The following MAPK10 variants were observed in gnomAD, a reference collection of about 807,000 sequenced individuals.
The protein encoded by MAPK10 is JNK3 alpha protein kinase.
MAPK10 carries 25 observed loss-of-function variants against 59.3 expected under a neutral mutation model. That is an observed-to-expected ratio of 0.42 (90% CI 0.31 to 0.59). The LOEUF is 0.59. Among genes scored for constraint, MAPK10 ranks in the 20% least tolerant of loss-of-function variants. The pLI is 0.15. For missense variants in MAPK10, 351 were observed against 568.9 expected, an observed-to-expected ratio of 0.62 and a Z score of 3.90; for synonymous variants, 190 against 200.5, an observed-to-expected ratio of 0.95 and a Z score of 0.44.
chr4:86,575,391 T>C (rs766968485), intron 1 of MAPK10, among the ~76,000 whole-genome samples: 2 of 152,262 alleles, frequency 1.3e-5, no homozygotes, highest in Non-Finnish European at 2.9e-5. Flanking sequence ...ATCCATCCTA[T>C]TGGTTCTGTT....
At chr4:86,368,448 T>C (rs1042002496) in intron 1 of MAPK10, among the ~76,000 whole-genome samples, 5 of 152,242 alleles carry the variant, frequency 3.3e-5, no homozygotes, top group Admixed American at 3.3e-4. Flanking sequence ...TATAGCATCA[T>C]GTTGCAATCA....
At chr4:86,581,242 A>G (rs1762239224) in intron 1 of MAPK10, among the ~76,000 whole-genome samples, 1 of 151,976 alleles carries the variant, frequency 6.6e-6, no homozygotes, top group South Asian at 2.1e-4. Context: ...ATATGGACAT[A>G]CCCTTGTCTG....
At chr4:86,049,316 T>C (rs1012618109) in intron 11 of MAPK10, among the ~76,000 whole-genome samples, 5 of 152,118 alleles carry the variant, frequency 3.3e-5, no homozygotes, top group African/African-American at 1.2e-4. Context: ...AAGAACTATA[T>C]TCTAATAATA....
intron 1 of MAPK10, among the ~76,000 whole-genome samples, chr4:86,366,151 T>C (rs950771526): frequency 6.6e-6 from 1 of 152,096 alleles, no homozygotes; most frequent in Non-Finnish European, 1.5e-5. Context: ...AAAGAGTATA[T>C]ACTATATATA....
chr4:86,578,212 C>A (rs1159475860), intron 1 of MAPK10, among the ~76,000 whole-genome samples: 1 of 152,148 alleles, frequency 6.6e-6, no homozygotes, highest in Non-Finnish European at 1.5e-5. Flanking sequence ...CTGCTGGCAT[C>A]TAGTGGGTAG....
intron 11 of MAPK10, 39 bp downstream of exon 11, chr4:86,064,227 T>A (rs2046286339): frequency 1.9e-6 from 3 of 1,612,200 alleles, no homozygotes; most frequent in Non-Finnish European, 2.5e-6. Context: ...GAGCTATGAT[T>A]TGTTTGTGGA....
intron 1 of MAPK10, among the ~76,000 whole-genome samples, chr4:86,432,243 G>A (rs2149041659): frequency 6.6e-6 from 1 of 152,140 alleles, no homozygotes; most frequent in Non-Finnish European, 1.5e-5. Context: ...TCAGTTGGGG[G>A]CATAAGAATT....
chr4:86,359,367 T>A (rs558504787), intron 1 of MAPK10, among the ~76,000 whole-genome samples: 3 of 149,462 alleles, frequency 2.0e-5, no homozygotes, highest in African/African-American at 7.4e-5. Context: ...TAGCCCTGCA[T>A]TGGTCTAAAA....
chr4:86,349,106 TAATAAC>T (rs1729789212), intron 2 of MAPK10, among the ~76,000 whole-genome samples: 2 of 152,196 alleles, frequency 1.3e-5, no homozygotes, highest in South Asian at 2.1e-4. Context: ...AAAATTTACT[TAATAAC>T]AATCATCAAA....
intron 1 of MAPK10, among the ~76,000 whole-genome samples, chr4:86,482,265 T>A (rs1000392810): frequency 6.6e-6 from 1 of 152,170 alleles, no homozygotes; most frequent in African/African-American, 2.4e-5. Context: ...TCCCTGCACC[T>A]AATAGAGCAG....
At chr4:86,255,285 G>A (rs2093658576) in intron 2 of MAPK10, among the ~76,000 whole-genome samples, 1 of 152,096 alleles carries the variant, frequency 6.6e-6, no homozygotes. Flanking sequence ...GTGCTCTATA[G>A]AGTTTTCAGA....
chr4:86,460,827 T>C (rs1176469117), intron 1 of MAPK10, among the ~76,000 whole-genome samples: 1 of 152,272 alleles, frequency 6.6e-6, no homozygotes, highest in East Asian at 1.9e-4. Flanking sequence ...AAGGAATACT[T>C]TTAGTTAATC....
chr4:86,140,831 A>G lies in MAPK10; in HGVS notation c.236+18467T>C, dbSNP rs1182881775. Among the ~76,000 whole-genome samples, 6 of 152,318 alleles carry G rather than the reference A, an allele frequency of 3.9e-5. No homozygotes were observed. The East Asian group carries it at 1.2e-3, about 29-fold the overall frequency. On this transcript the variant is annotated intron_variant, in intron 4 of 13. Coordinates refer to ENST00000641462, the MANE Select transcript of MAPK10 (RefSeq NM_138982.4). ...CATAACTATTGGCTGCTAGAGACTT[A>G]GTAATTACTTCCCAGGCTCCCAAGT...
At chr4:86,573,599 A>G (rs1761629913) in intron 1 of MAPK10, among the ~76,000 whole-genome samples, 2 of 152,222 alleles carry the variant, frequency 1.3e-5, no homozygotes, top group South Asian at 4.1e-4. Flanking sequence ...AACAAAGTTT[A>G]GAATATGCCT....
chr4:86,425,933 T>G (rs951168759), intron 1 of MAPK10, among the ~76,000 whole-genome samples: 1 of 152,220 alleles, frequency 6.6e-6, no homozygotes, highest in African/African-American at 2.4e-5. Context: ...ATTGAGCCAC[T>G]GTACTCCAGC....
At chr4:86,218,452 C>T (rs182130661) in intron 2 of MAPK10, among the ~76,000 whole-genome samples, 4 of 151,898 alleles carry the variant, frequency 2.6e-5, no homozygotes, top group South Asian at 4.2e-4. Context: ...TGAGCCACCG[C>T]GCCTGGCCTA....
chr4:86,140,727 T>A (rs1334865622), intron 4 of MAPK10, among the ~76,000 whole-genome samples: 1 of 152,004 alleles, frequency 6.6e-6, no homozygotes, highest in Non-Finnish European at 1.5e-5. Flanking sequence ...GCATTCTGAT[T>A]TCAACCAGCT....
At chr4:86,297,859 G>A (rs1442855939) in intron 2 of MAPK10, among the ~76,000 whole-genome samples, 1 of 152,096 alleles carries the variant, frequency 6.6e-6, no homozygotes, top group Non-Finnish European at 1.5e-5. Context: ...TTTGTGTCTA[G>A]ATAAATCCTA....
intron 2 of MAPK10, among the ~76,000 whole-genome samples, chr4:86,301,810 G>C (rs1363373969): frequency 1.3e-5 from 2 of 151,868 alleles, no homozygotes; most frequent in Non-Finnish European, 2.9e-5. Context: ...TCCAGGCAGA[G>C]AGTGTCCCAG....
Sources: gnomAD v4.1 joint callset for allele counts (sites outside exome capture counted in the v4.1 genomes callset) on GRCh38, gnomAD v4.1.1 for gene constraint, MANE v1.5 for transcripts, NCBI Gene and HGNC (gene_info 2026-07-23, HGNC 2026-07-21) for gene names.